The following POR variants were observed in gnomAD, a reference collection of about 807,000 sequenced individuals.
POR encodes the protein cytochrome p450 oxidoreductase, also known as NADPH--cytochrome P450 reductase.
In POR, 56 loss-of-function variants were observed where a neutral mutation model predicts 84.0. The observed-to-expected ratio is 0.67, with a 90% CI of 0.54 to 0.83. The LOEUF is 0.83. Ranked by LOEUF, POR falls within the 40% of genes least tolerant of loss-of-function variation. The pLI is 0.00. For missense variants in POR, 938 were observed against 944.3 expected (o/e 0.99, Z 0.09); for synonymous variants, 414 against 400.5 (o/e 1.03, Z -0.40).
intron 2 of POR, chr7:75,968,109 G>C (rs1788265739): frequency 2.2e-6 from 1 of 455,574 alleles, no homozygotes; most frequent in Admixed American, 2.3e-5. Context: ...GTCTCCACCT[G>C]AGGAGCCCGC....
chr7:75,938,187 TA>T, intron 1 of POR, among the ~76,000 whole-genome samples: 1 of 152,334 alleles, frequency 6.6e-6, no homozygotes, highest in African/African-American at 2.4e-5. Context: ...CATGTGTTTC[TA>T]AATTAAGTCC....
chr7:75,926,684 C>T (rs1807148448), intron 1 of POR, among the ~76,000 whole-genome samples: 1 of 152,086 alleles, frequency 6.6e-6, no homozygotes, highest in African/African-American at 2.4e-5. Context: ...ATCCCAGCTA[C>T]TTGGGAGGCT....
chr7:75,936,149 T>C (rs2116310109), intron 1 of POR, among the ~76,000 whole-genome samples: 1 of 144,416 alleles, frequency 6.9e-6, no homozygotes, highest in Admixed American at 7.3e-5. Context: ...TAGAGTGCAA[T>C]GACACAATCA....
intron 1 of POR, among the ~76,000 whole-genome samples, chr7:75,946,295 A>G (rs1395819401): frequency 1.3e-5 from 2 of 151,178 alleles, no homozygotes; most frequent in African/African-American, 4.9e-5. Context: ...TCTGTGCCTA[A>G]TTTTTTCTTG....
intron 1 of POR, among the ~76,000 whole-genome samples, chr7:75,918,957 T>C (rs116728318): frequency 0.029 from 4,343 of 151,572 alleles, 220 homozygotes; most frequent in African/African-American, 0.1. Flanking sequence ...TGGGGAGGTG[T>C]TTTAAAAGGT....
Position 75,983,502 on chromosome 7 carries a change from T to G in POR, c.831-18T>G, listed in dbSNP as rs377191310. 34 of 1,590,822 alleles carry G rather than the reference T, an allele frequency of 2.1e-5. No homozygotes were observed. In the African/African-American group the frequency reaches 3.5e-4, roughly 16 times the overall value. ...CAAAGCCCCGGCCGCTCACTGTGCT[T>G]CTCTCCTCCCCACCCAGCCCCTTTG... On this transcript the variant is annotated intron_variant, in intron 8 of 15. Transcript: ENST00000461988.
chr7:75,935,125 AC>A (rs1372106984), intron 1 of POR, among the ~76,000 whole-genome samples: 1 of 152,178 alleles, frequency 6.6e-6, no homozygotes, highest in Non-Finnish European at 1.5e-5. Flanking sequence ...CTGCAAAGCC[AC>A]CAGGACAGAG....
chr7:75,923,206 C>CAATCACTGTGTTGTCAGAGGGA, intron 1 of POR: 1 of 1,127,970 alleles, frequency 8.9e-7, no homozygotes, highest in Non-Finnish European at 1.3e-6. Flanking sequence ...GACCATCCCT[C>CAATCACTGTGTTGTCAGAGGGA]TGACAACACA....
chr7:75,981,375 T>G, intron 6 of POR, 142 bp from the exon 7 acceptor site: 1 of 1,192,566 alleles, frequency 8.4e-7, no homozygotes, highest in Non-Finnish European at 1.2e-6. Flanking sequence ...TTCCTGATGC[T>G]CTGGGTTTAT....
At chr7:75,926,991 C>A (rs1186845981) in intron 1 of POR, among the ~76,000 whole-genome samples, 1 of 152,086 alleles carries the variant, frequency 6.6e-6, no homozygotes, top group Non-Finnish European at 1.5e-5. Flanking sequence ...AACCCCAGGT[C>A]ATTCAGTGAG....
At position 75,943,674 on chromosome 7, in the gene POR, T is replaced by C. The variant is rs1585097208; in HGVS notation, c.-4-10315T>C. 4 of 296,556 alleles carry C rather than the reference T, an allele frequency of 1.3e-5. No individual in the cohort carries two copies. The East Asian group carries it at 2.4e-4, about 18-fold the overall frequency. 18.4% of individuals were successfully genotyped at this position (296,556 alleles called of 1,614,324 possible). On this transcript the variant is annotated intron_variant, in intron 1 of 15. Coordinates refer to ENST00000461988, the MANE Select transcript of POR (RefSeq NM_000941.3). ...TTCTCAACTTCTTTGAAAATGCTCT[T>C]ATTTGTAGTTGTTTCATGCTAATTC...
At position 75,969,313 on chromosome 7, in the gene POR, G is replaced by A. The variant is rs539260796; in HGVS notation, c.189-3100G>A. 2.0e-4 allele frequency among the ~76,000 whole-genome samples: 30 copies of A among 152,326 alleles called. No individual in the cohort carries two copies. In the South Asian group the frequency reaches 6.2e-3, roughly 32 times the overall value. Reference sequence around the variant, plus strand: ...TAATAGTGTGGGCACGAGAGGGGCGGGGCCTGTGCAGTCCCGTGCCTGTCT... The same window carrying A: ...TAATAGTGTGGGCACGAGAGGGGCGAGGCCTGTGCAGTCCCGTGCCTGTCT... On this transcript the variant is annotated intron_variant, in intron 2 of 15. Coordinates refer to ENST00000461988, the MANE Select transcript of POR (RefSeq NM_000941.3).
At chr7:75,953,066 C>T (rs915900183) in intron 1 of POR, among the ~76,000 whole-genome samples, 28 of 152,308 alleles carry the variant, frequency 1.8e-4, no homozygotes, top group African/African-American at 6.0e-4. Flanking sequence ...TCTGCAATCC[C>T]GGCACCTCGG....
intron 1 of POR, among the ~76,000 whole-genome samples, chr7:75,936,157 T>C (rs1384866145): frequency 7.3e-6 from 1 of 136,770 alleles, no homozygotes; most frequent in Non-Finnish European, 1.6e-5. Context: ...AATGACACAA[T>C]CATCATGGCT....
At position 75,986,560 on chromosome 7, in the gene POR, G is replaced by A. The variant is rs1554559575; in HGVS notation, c.*79G>A. 1.3e-6 allele frequency: 2 copies of A among 1,527,500 alleles called. No individual in the cohort carries two copies. Among genetic ancestry groups the A allele is most frequent in the Non-Finnish European group, 1.8e-6 (2 of 1,138,560 alleles). The allele number at this position is 1,527,500 out of a possible 1,614,324, so 94.6% of individuals were successfully genotyped here. On this transcript the variant is annotated 3_prime_UTR_variant, in exon 16 of 16. Transcript: ENST00000461988. ...GGCTCCCTCCCGTAGTCTCCTGGGTGTGTTTGGCTTGGCCTTGGCATGGGC... is the reference window on the plus strand; with the variant it reads ...GGCTCCCTCCCGTAGTCTCCTGGGTATGTTTGGCTTGGCCTTGGCATGGGC...
At chr7:75,926,196 T>C (rs974629168) in intron 1 of POR, among the ~76,000 whole-genome samples, 19 of 151,988 alleles carry the variant, frequency 1.3e-4, no homozygotes, top group Middle Eastern at 3.4e-3. Context: ...GGGGTCTTGC[T>C]ATGTTGCCCA....
In POR at chr7:75,984,896, GCCTCGGAGC is replaced by G. The variant is rs782700768; in HGVS notation, c.1196_1204del (p.Pro399_Glu401del). 13 of 1,611,720 alleles carry G rather than the reference GCCTCGGAGC, an allele frequency of 8.1e-6. No homozygotes were observed. In the East Asian group the frequency reaches 1.6e-4, roughly 19 times the overall value. On this transcript the variant is annotated inframe_deletion, in exon 11 of 16. Coordinates refer to ENST00000461988, the MANE Select transcript of POR (RefSeq NM_000941.3). ...CGTGCTGTACGAGCTGGCGCAGTAC[GCCTCGGAGC>G]CCTCGGAGCAGGAGCTGCTGCGCAA...
intron 1 of POR, chr7:75,947,083 T>C (rs1554552209): frequency 6.6e-6 from 1 of 152,216 alleles, no homozygotes; most frequent in African/African-American, 2.4e-5. Context: ...CATTCCTTCT[T>C]AGGATTTTAC....
At chr7:75,928,577 G>T (rs1468973764) in intron 1 of POR, among the ~76,000 whole-genome samples, 6 of 152,232 alleles carry the variant, frequency 3.9e-5, no homozygotes, top group African/African-American at 9.6e-5. Context: ...TGAGATGGTG[G>T]AATGACAAGA....
Sources: gnomAD v4.1 joint callset for allele counts (sites outside exome capture counted in the v4.1 genomes callset) on GRCh38, gnomAD v4.1.1 for gene constraint, MANE v1.5 for transcripts, NCBI Gene and HGNC (gene_info 2026-07-23, HGNC 2026-07-21) for gene names.